The following LRTM3 variants were observed in gnomAD, a reference collection of about 807,000 sequenced individuals.
The protein encoded by LRTM3 is leucine rich repeat transmembrane protein 3, also known as leucine-rich repeat transmembrane protein 3.
chr13:102,745,658 C>G, the LRTM3 span: 1 of 1,550,996 alleles, frequency 6.4e-7, no homozygotes, highest in Non-Finnish European at 8.7e-7. Context: ...AGCAGGCATG[C>G]AGGAACCAAA....
the LRTM3 span, chr13:102,741,169 C>T: frequency 1.3e-6 from 2 of 1,548,964 alleles, no homozygotes; most frequent in African/African-American, 2.7e-5. Flanking sequence ...GCTTCATCCT[C>T]AATTTTTTTG....
chr13:102,735,395 G>T, the LRTM3 span: 3 of 1,551,336 alleles, frequency 1.9e-6, no homozygotes, highest in Non-Finnish European at 2.6e-6. Flanking sequence ...CTGTGGGAGA[G>T]ACACTTTTGC....
At chr13:102,758,773 G>A in the LRTM3 span, 2 of 1,550,796 alleles carry the variant, frequency 1.3e-6, no homozygotes, top group Non-Finnish European at 1.7e-6. Flanking sequence ...GCTTTCATGA[G>A]TATTATCTCA....
At chr13:102,758,895 C>T in the LRTM3 span, 1 of 1,545,492 alleles carries the variant, frequency 6.5e-7, no homozygotes, top group South Asian at 1.2e-5. Context: ...CAGTCCACTC[C>T]CTACCCCTTT....
the LRTM3 span, among the ~76,000 whole-genome samples, chr13:102,752,219 G>C: frequency 4.1e-4 from 63 of 152,256 alleles, no homozygotes; most frequent in African/African-American, 1.5e-3. Flanking sequence ...TCATGCTAAA[G>C]CTGCCATTTT....
At chr13:102,758,573 C>T in the LRTM3 span, 1 of 1,546,836 alleles carries the variant, frequency 6.5e-7, no homozygotes, top group Non-Finnish European at 8.7e-7. Flanking sequence ...CAACTGTCTT[C>T]CGTCTATTTT....
chr13:102,736,574 G>A, the LRTM3 span: 1 of 1,551,046 alleles, frequency 6.4e-7, no homozygotes, highest in Middle Eastern at 1.7e-4. Flanking sequence ...TTCTTTTATT[G>A]AGTCTAACTC....
the LRTM3 span, chr13:102,746,571 T>C: frequency 1.3e-6 from 2 of 1,551,080 alleles, no homozygotes; most frequent in Non-Finnish European, 1.7e-6. Flanking sequence ...GTCTCTGAGA[T>C]TGATGGCTTC....
the LRTM3 span, chr13:102,736,561 CTCT>C: frequency 6.4e-7 from 1 of 1,551,100 alleles, no homozygotes. Context: ...GTTCACCTTC[CTCT>C]TCTTTTATTG....
At chr13:102,733,181 C>T in the LRTM3 span, 17 of 1,551,270 alleles carry the variant, frequency 1.1e-5, no homozygotes, top group East Asian at 7.3e-5. Context: ...ATGTTCACAC[C>T]GTCGGATCAC....
chr13:102,755,899 A>ATGTGTGTGTGTGTG, the LRTM3 span, among the ~76,000 whole-genome samples: 1 of 61,578 alleles, frequency 1.6e-5, no homozygotes. Context: ...ATACACATAT[A>ATGTGTGTGTGTGTG]TATGTGTGTG....
At chr13:102,739,042 T>C in the LRTM3 span, 103 of 1,550,484 alleles carry the variant, frequency 6.6e-5, no homozygotes, top group African/African-American at 1.2e-3. Context: ...GCTGTGTTGA[T>C]GATGAAAGAC....
At chr13:102,747,660 C>T in the LRTM3 span, 1 of 1,551,136 alleles carries the variant, frequency 6.4e-7, no homozygotes, top group Non-Finnish European at 8.7e-7. Context: ...AGTTCACCAA[C>T]TGGCAAGTTC....
At chr13:102,748,299 C>T in the LRTM3 span, 2 of 1,551,176 alleles carry the variant, frequency 1.3e-6, no homozygotes, top group Non-Finnish European at 1.7e-6. Flanking sequence ...GGTTTACTTT[C>T]CTTCAGATTT....
At chr13:102,737,945 A>G in the LRTM3 span, 57 of 1,550,378 alleles carry the variant, frequency 3.7e-5, no homozygotes. Context: ...CCCTTGCTCT[A>G]TGCCTACTCC....
the LRTM3 span, chr13:102,730,825 A>T: frequency 1.3e-6 from 2 of 1,551,498 alleles, no homozygotes; most frequent in Non-Finnish European, 1.7e-6. Flanking sequence ...CCAGGAGAAA[A>T]CGAAGGTATT....
the LRTM3 span, chr13:102,733,209 T>C: frequency 6.4e-7 from 1 of 1,551,402 alleles, no homozygotes; most frequent in Non-Finnish European, 8.7e-7. Flanking sequence ...TTCATGACAA[T>C]ATCTTGTTCT....
the LRTM3 span, chr13:102,737,180 C>T: frequency 1.9e-6 from 3 of 1,550,866 alleles, no homozygotes; most frequent in Non-Finnish European, 2.6e-6. Flanking sequence ...TACTGTTTTT[C>T]CTCTATCTAC....
At chr13:102,758,574 C>A in the LRTM3 span, 2 of 1,545,802 alleles carry the variant, frequency 1.3e-6, no homozygotes, top group East Asian at 2.4e-5. Context: ...AACTGTCTTC[C>A]GTCTATTTTA....
Sources: allele counts gnomAD v4.1 joint callset (sites outside exome capture counted in the v4.1 genomes callset), GRCh38; gene constraint gnomAD v4.1.1; transcripts MANE v1.5; gene names NCBI Gene and HGNC (gene_info 2026-07-23, HGNC 2026-07-21).